CDH15: variants seen among roughly 807,000 people sequenced by gnomAD.
CDH15 encodes cadherin 15.
Under a neutral mutation model 69.4 loss-of-function variants are expected in CDH15, and 73 were observed. The ratio of observed to expected loss-of-function variants is 1.05; its 90% CI spans 0.87 to 1.28. The LOEUF (loss-of-function observed/expected upper bound fraction) is 1.28, where lower values mean the gene tolerates loss of function less well. Ranked by LOEUF, CDH15 falls within the 50% of genes most tolerant of loss-of-function variation. CDH15 has a pLI of 0.00. For missense variants in CDH15, 1,343 were observed against 1,133.6 expected (o/e 1.18, Z -2.65); for synonymous variants, 624 against 507.7 (o/e 1.23, Z -3.08).
Position 89,171,756 on chromosome 16 carries a change from C to G in CDH15, c.-76C>G. The G allele has an allele frequency of 6.9e-7, 1 of 1,449,832 alleles. No homozygotes were observed. The highest frequency in any genetic ancestry group is 1.2e-5 in the South Asian group (1 of 81,664). The allele number at this position is 1,449,832 out of a possible 1,614,324, so 89.8% of individuals were successfully genotyped here. A position where few individuals can be genotyped will look rare whatever the true frequency, so the allele number is the denominator to read the frequency against. On this transcript the variant is annotated 5_prime_UTR_variant, in exon 1 of 14. Transcript: ENST00000289746. Reference sequence around the variant, plus strand: ...CTCTGGCCCTGGCCCGCCCCGCGCACTTGCGCTGTCACTCAGCCTGGACGC... The same window carrying G: ...CTCTGGCCCTGGCCCGCCCCGCGCAGTTGCGCTGTCACTCAGCCTGGACGC...
Position 89,193,590 on chromosome 16 carries a change from G to A in CDH15, c.1976G>A (p.Gly659Asp). 2 of 1,601,380 alleles carry A rather than the reference G, an allele frequency of 1.2e-6. No individual in the cohort carries two copies. Among genetic ancestry groups the A allele is most frequent in the Non-Finnish European group, 1.7e-6 (2 of 1,174,834 alleles). The change falls in exon 12 of 14, where the codon GGC becomes GAC. Residue 659 changes from glycine to aspartate, a missense_variant. Transcript: ENST00000289746. ...GTCCTCAACTACGATGAGCAAGGAG[G>A]CGGGGAGGAGGACCAGGTGAGGGGG... The part of the protein sequence containing the change: ...DNVLNYDEQG[G>D]GEEDQDAYDI...
chr16:89,194,048 AG>A, intron 13 of CDH15, 135 bp downstream of exon 13: 1 of 1,060,902 alleles, frequency 9.4e-7, no homozygotes, highest in East Asian at 2.6e-5. Flanking sequence ...AGCACCGCAG[AG>A]GAAGATGGTG....
At position 89,193,474 on chromosome 16, in the gene CDH15, G is replaced by A; in HGVS notation, c.1860G>A (p.Leu620=). 1 of 1,610,742 alleles carries A rather than the reference G, an allele frequency of 6.2e-7. No homozygotes were observed. Among genetic ancestry groups the A allele is most frequent in the Non-Finnish European group, 8.5e-7 (1 of 1,179,394 alleles). The part of the protein sequence containing the change: ...VLASALLLLV[L]VLLVALRARF... ...CTGCGTCCCCTCATTCCCCAGTGCT[G>A]GTCCTGCTCGTGGCACTCCGGGCGC... Residue 620 remains leucine (L), a synonymous_variant, in exon 12 of 14, where the codon CTG becomes CTA. Transcript: ENST00000289746.
intron 5 of CDH15, chr16:89,185,870 C>G (rs533139482): frequency 4.8e-6 from 1 of 208,902 alleles, no homozygotes; most frequent in Non-Finnish European, 1.0e-5. Flanking sequence ...GCTTACCCAG[C>G]GCACAGTAGG....
At chr16:89,189,218 C>T (rs1169060642) in intron 7 of CDH15, among the ~76,000 whole-genome samples, 1 of 149,428 alleles carries the variant, frequency 6.7e-6, no homozygotes, top group Non-Finnish European at 1.5e-5. Flanking sequence ...TGCCCACGCA[C>T]AGGTGCCCAC....
At chr16:89,185,038 C>T in intron 4 of CDH15, 135 bp from the exon 5 acceptor site, 1 of 811,742 alleles carries the variant, frequency 1.2e-6, no homozygotes, top group South Asian at 1.6e-5. Context: ...GCAGCATGGA[C>T]TGACTGCCCC....
intron 5 of CDH15, among the ~76,000 whole-genome samples, chr16:89,186,667 G>C (rs1217622965): frequency 8.7e-6 from 1 of 114,566 alleles, no homozygotes; most frequent in African/African-American, 3.5e-5. Context: ...CTCTGTAAAC[G>C]CTCACCCAGC....
intron 1 of CDH15, 130 bp from the exon 2 acceptor site, chr16:89,179,286 G>A (rs1385036327): frequency 2.9e-6 from 3 of 1,048,214 alleles, no homozygotes; most frequent in Non-Finnish European, 4.3e-6. Context: ...TTGCGCCAAT[G>A]GGCACCGACC....
chr16:89,191,515 T>A (rs937641028), intron 9 of CDH15, 43 bp downstream of exon 9: 1 of 1,606,612 alleles, frequency 6.2e-7, no homozygotes, highest in South Asian at 1.1e-5. Context: ...CCTGGCCTTG[T>A]CCCGGCTGAG....
Position 89,193,454 on chromosome 16 carries a change from T to C in CDH15, c.1856-16T>C, listed in dbSNP as rs780511403. 2.5e-6 allele frequency: 4 copies of C among 1,594,480 alleles called. No homozygotes were observed. In the Admixed American group the frequency reaches 6.7e-5, roughly 27 times the overall value. On this transcript the variant is annotated splice_polypyrimidine_tract_variant and intron_variant, in intron 11 of 13. Transcript: ENST00000289746. ...GCCCTGTGCCTGGCCCCAGCCTGCG[T>C]CCCCTCATTCCCCAGTGCTGGTCCT...
Position 89,190,439 on chromosome 16 carries a change from C to G in CDH15, c.1175C>G (p.Thr392Ser). 1.2e-6 allele frequency: 2 copies of G among 1,608,154 alleles called. No homozygotes were observed. Among genetic ancestry groups the G allele is most frequent in the Non-Finnish European group, 1.7e-6 (2 of 1,178,216 alleles). The change falls in exon 8 of 14, where the codon ACT (threonine) becomes AGT (serine). Residue 392 changes from threonine to serine, a missense_variant. Physicochemically the swap from Thr to Ser is moderately conservative, Grantham distance 58 (BLOSUM62 1). Transcript: ENST00000289746. ...TSLAEGAPPG[T>S]LVATFSARDP... The stretch of plus-strand genomic sequence containing the variant: ...CTAGCAGAGGGGGCACCCCCAGGCA[C>G]TCTGGTGGCCACCTTCTCTGCCCGG...
intron 1 of CDH15, among the ~76,000 whole-genome samples, chr16:89,176,605 A>T (rs1006110647): frequency 6.6e-6 from 1 of 151,564 alleles, no homozygotes; most frequent in Non-Finnish European, 1.5e-5. Flanking sequence ...ACACCTCTGT[A>T]GTAGGCACAG....
Position 89,191,349 on chromosome 16 carries a change from C to T in CDH15, c.1252C>T (p.Pro418Ser), listed in dbSNP as rs746239990. ...QRLSYSKDYD[P>S]EDWLQVDAAT... The stretch of plus-strand genomic sequence containing the variant: ...CATCAGCTACTCCAAGGACTACGAC[C>T]CGGAAGACTGGCTGCAAGTGGACGC... The change falls in exon 9 of 14, where the codon CCG (proline) becomes TCG (serine). Residue 418 changes from proline (P) to serine (S), a missense_variant. Physicochemically the swap from Pro to Ser is moderately conservative, Grantham distance 74. Transcript: ENST00000289746. 6.2e-7 allele frequency: 1 copy of T among 1,612,706 alleles called. No individual in the cohort carries two copies. Among genetic ancestry groups the T allele is most frequent in the African/African-American group, 1.3e-5 (1 of 74,908 alleles).
At position 89,180,318 on chromosome 16, in the gene CDH15, A is replaced by G. The variant is rs144975891; in HGVS notation, c.320A>G (p.Asn107Ser). The G allele has an allele frequency of 6.0e-5, 96 of 1,612,766 alleles. No individual in the cohort carries two copies. The African/African-American group carries it at 9.6e-4, about 16-fold the overall frequency. ...AAGTTCACAGGGAAGGTCTTCCTCA[A>G]TGCCATGCTGGACCGCGAGAAGACT... ...IDKFTGKVFL[N>S]AMLDREKTDR... The change falls in exon 3 of 14, where the codon AAT becomes AGT. Residue 107 changes from asparagine (N) to serine (S), a missense_variant. By Grantham distance (46) the Asn-to-Ser change is conservative. Coordinates refer to ENST00000289746, the MANE Select transcript of CDH15 (RefSeq NM_004933.3).
At position 89,190,342 on chromosome 16, in the gene CDH15, G is replaced by C. The variant is rs1915608950; in HGVS notation, c.1078G>C (p.Ala360Pro). The C allele has an allele frequency of 6.2e-7, 1 of 1,612,636 alleles. No individual in the cohort carries two copies. The highest frequency in any genetic ancestry group is 8.5e-7 in the Non-Finnish European group (1 of 1,179,896). The change falls in exon 8 of 14, where the codon GCC (alanine) becomes CCC (proline). Residue 360 changes from alanine to proline, a missense_variant. Physicochemically the swap from Ala to Pro is conservative, Grantham distance 27. Coordinates refer to ENST00000289746, the MANE Select transcript of CDH15 (RefSeq NM_004933.3). ...TGCCCTTAGGGCTGAGCGGGGCCAG[G>C]CCAAGGTCCGCGTGCATGTGCAGGA... is the stretch of plus-strand genomic sequence containing the variant. ...AAALRAERGQ[A>P]KVRVHVQDTN... is the part of the protein sequence containing the mutation.
intron 7 of CDH15, among the ~76,000 whole-genome samples, chr16:89,189,037 GCA>G (rs1369689131): frequency 1.7e-5 from 2 of 120,174 alleles, no homozygotes; most frequent in Non-Finnish European, 3.4e-5. Flanking sequence ...ACAGATGTTG[GCA>G]CACACAGGTG....
chr16:89,187,772 T>G (rs530678161), intron 6 of CDH15, among the ~76,000 whole-genome samples: 1 of 152,126 alleles, frequency 6.6e-6, no homozygotes, highest in African/African-American at 2.4e-5. Flanking sequence ...AGAGAGGCCC[T>G]TGGGGAGAAG....
intron 10 of CDH15, 87 bp from the exon 11 acceptor site, chr16:89,192,118 G>A: frequency 1.4e-6 from 2 of 1,442,174 alleles, no homozygotes; most frequent in Non-Finnish European, 1.8e-6. Context: ...AGGATCTCGG[G>A]ATCCCCACCC....
chr16:89,177,761 G>C (rs966950866), intron 1 of CDH15, among the ~76,000 whole-genome samples: 4 of 152,214 alleles, frequency 2.6e-5, no homozygotes, highest in African/African-American at 9.6e-5. Flanking sequence ...CCATGTCCGT[G>C]CCGAGCCGAG....
Sources: gnomAD v4.1 joint callset for allele counts (sites outside exome capture counted in the v4.1 genomes callset) on GRCh38, gnomAD v4.1.1 for gene constraint, MANE v1.5 for transcripts, NCBI Gene and HGNC (gene_info 2026-07-23, HGNC 2026-07-21) for gene names.